The following ARHGAP28 variants were observed in gnomAD, a reference collection of about 807,000 sequenced individuals.
The protein encoded by ARHGAP28 is rho GTPase-activating protein 28.
Under a neutral mutation model 90.7 loss-of-function variants are expected in ARHGAP28, and 56 were observed. The ratio of observed to expected loss-of-function variants is 0.62; its 90% CI spans 0.50 to 0.77. The LOEUF is 0.77. Among genes scored for constraint, ARHGAP28 ranks in the 30% least tolerant of loss-of-function variants. The pLI is 0.00. For synonymous variants in ARHGAP28, 308 were observed against 323.3 expected (o/e 0.95, Z 0.51); for missense variants, 869 against 900.9 (o/e 0.96, Z 0.45).
chr18:6,779,779 G>A (rs1343105316), intron 1 of ARHGAP28, among the ~76,000 whole-genome samples: 1 of 152,194 alleles, frequency 6.6e-6, no homozygotes, highest in Non-Finnish European at 1.5e-5. Flanking sequence ...GACTCATGCA[G>A]GCCTCTGCCA....
intron 1 of ARHGAP28, among the ~76,000 whole-genome samples, chr18:6,777,260 G>A (rs1480450585): frequency 6.6e-6 from 1 of 152,166 alleles, no homozygotes; most frequent in African/African-American, 2.4e-5. Context: ...CTAATATAGA[G>A]GGAGTAGTAA....
chr18:6,841,084 T>A (rs1302561889), intron 3 of ARHGAP28, among the ~76,000 whole-genome samples: 2 of 150,774 alleles, frequency 1.3e-5, no homozygotes, highest in African/African-American at 4.9e-5. Context: ...ATTCCTCTGT[T>A]CCTCCTCCTG....
At chr18:6,736,855 T>G (rs1304199740) in intron 1 of ARHGAP28, among the ~76,000 whole-genome samples, 1 of 146,548 alleles carries the variant, frequency 6.8e-6, no homozygotes, top group Non-Finnish European at 1.5e-5. Flanking sequence ...AAACTATCTT[T>G]TATTCTTTGA....
intron 2 of ARHGAP28, among the ~76,000 whole-genome samples, chr18:6,825,693 G>T (rs944285927): frequency 6.6e-6 from 1 of 152,136 alleles, no homozygotes; most frequent in African/African-American, 2.4e-5. Flanking sequence ...GCTTACAAGT[G>T]AGAACATGCA....
At chr18:6,821,135 A>T (rs1302753212) in intron 1 of ARHGAP28, among the ~76,000 whole-genome samples, 1 of 152,192 alleles carries the variant, frequency 6.6e-6, no homozygotes, top group Non-Finnish European at 1.5e-5. Flanking sequence ...ATTCTGTAAG[A>T]TATTTACACT....
chr18:6,798,892 C>G (rs191867126), intron 1 of ARHGAP28, among the ~76,000 whole-genome samples: 84 of 152,324 alleles, frequency 5.5e-4, no homozygotes, highest in Middle Eastern at 3.4e-3. Flanking sequence ...TTAATATTTA[C>G]TCATGTGAAG....
At chr18:6,741,776 C>G (rs2055979793) in intron 1 of ARHGAP28, among the ~76,000 whole-genome samples, 1 of 152,316 alleles carries the variant, frequency 6.6e-6, no homozygotes, top group East Asian at 1.9e-4. Flanking sequence ...TTTTACTCCC[C>G]TACCCCCAAC....
intron 1 of ARHGAP28, among the ~76,000 whole-genome samples, chr18:6,799,167 T>C (rs2056463653): frequency 6.6e-6 from 1 of 152,180 alleles, no homozygotes; most frequent in Admixed American, 6.5e-5. Flanking sequence ...TTTACTTCTT[T>C]GGTGACTTGT....
intron 1 of ARHGAP28, among the ~76,000 whole-genome samples, chr18:6,732,676 A>G (rs939227823): frequency 3.3e-5 from 5 of 152,030 alleles, no homozygotes; most frequent in Non-Finnish European, 7.4e-5. Flanking sequence ...TATTTTACTT[A>G]TTTTATTTTG....
intron 16 of ARHGAP28, among the ~76,000 whole-genome samples, chr18:6,904,369 G>A (rs919537830): frequency 8.5e-5 from 13 of 152,180 alleles, no homozygotes; most frequent in Non-Finnish European, 1.5e-4. Context: ...ACTCCAGCCT[G>A]GGTGACAGAG....
At chr18:6,831,857 T>C (rs1377550853) in intron 2 of ARHGAP28, among the ~76,000 whole-genome samples, 1 of 152,102 alleles carries the variant, frequency 6.6e-6, no homozygotes, top group East Asian at 1.9e-4. Flanking sequence ...ATGATGGTAA[T>C]TGTAAACTTT....
intron 10 of ARHGAP28, 99 bp downstream of exon 10, chr18:6,876,307 A>T (rs569827364): frequency 7.9e-6 from 7 of 890,992 alleles, no homozygotes; most frequent in Non-Finnish European, 1.3e-5. Flanking sequence ...TGTTTATTAG[A>T]TATTATCACT....
Position 6,911,510 on chromosome 18 carries a change from A to G in ARHGAP28, c.2096-550A>G, listed in dbSNP as rs534030924. ...GAGTGCAATGGTGCGATCTTGGCTC[A>G]CTGCAACCTCAGCCTCCCAGGTTCA... is the stretch of plus-strand genomic sequence containing the variant. On this transcript the variant is annotated intron_variant, in intron 17 of 17. Transcript: ENST00000383472. 2.0e-5 allele frequency among the ~76,000 whole-genome samples: 3 copies of G among 152,068 alleles called. No homozygotes were observed. The South Asian group carries it at 6.2e-4, about 32-fold the overall frequency.
chr18:6,735,441 G>A (rs1165710138), intron 1 of ARHGAP28, among the ~76,000 whole-genome samples: 2 of 152,160 alleles, frequency 1.3e-5, no homozygotes, highest in Non-Finnish European at 2.9e-5. Context: ...CCTGCAATCT[G>A]ACAGACTGTC....
intron 16 of ARHGAP28, among the ~76,000 whole-genome samples, chr18:6,905,124 C>T (rs1378919087): frequency 2.6e-5 from 4 of 151,836 alleles, no homozygotes. Flanking sequence ...CAAACAAAAG[C>T]CCTACAGACC....
rs1162356898 is a variant in ARHGAP28, at chr18:6,913,990, C to T, written c.*1836C>T. On this transcript the variant is annotated 3_prime_UTR_variant, in exon 18 of 18. Transcript: ENST00000383472. Reference sequence around the variant, plus strand: ...TTTATGACCACGTATGGAAGAAATTCTTCAAATAGCTACCTTACATTTCTG... The same window carrying T: ...TTTATGACCACGTATGGAAGAAATTTTTCAAATAGCTACCTTACATTTCTG... 1 of 152,150 alleles carries T rather than the reference C, an allele frequency of 6.6e-6. No homozygotes were observed. Among genetic ancestry groups the T allele is most frequent in the Non-Finnish European group, 1.5e-5 (1 of 68,024 alleles). 9.4% of individuals were successfully genotyped at this position (152,150 alleles called of 1,614,324 possible). A position where few individuals can be genotyped will look rare whatever the true frequency, so the allele number is the denominator to read the frequency against.
At chr18:6,731,136 A>AT (rs5822921) in intron 1 of ARHGAP28, among the ~76,000 whole-genome samples, 30 of 151,940 alleles carry the variant, frequency 2.0e-4, no homozygotes, top group African/African-American at 5.3e-4. Context: ...GGAAAATCAC[A>AT]TTTTTTTTCC....
rs575554314 is a variant in ARHGAP28 at position 6,768,765 on chromosome 18, T to C, written c.122+38822T>C. On this transcript the variant is annotated intron_variant, in intron 1 of 17. Transcript: ENST00000383472. Reference sequence around the variant, plus strand: ...CTTAGCCTCCCTGAACTCTGTTCCATGTCCCCTTAACTCAGTGAGACCCCA... The same window carrying C: ...CTTAGCCTCCCTGAACTCTGTTCCACGTCCCCTTAACTCAGTGAGACCCCA... Among the ~76,000 whole-genome samples, 7 of 152,300 alleles carry C rather than the reference T, an allele frequency of 4.6e-5. No homozygotes were observed. The East Asian group carries it at 1.4e-3, about 30-fold the overall frequency.
Position 6,912,267 on chromosome 18 carries a change from T to C in ARHGAP28, c.*113T>C, listed in dbSNP as rs754137736. On this transcript the variant is annotated 3_prime_UTR_variant, in exon 18 of 18. Transcript: ENST00000383472. ...ATTTGTTCCTACAGCATTCTCAGTA[T>C]TTCTGGCCCTCAGCAGTGGGCATTG... The C allele has an allele frequency of 1.8e-6, 1 of 562,836 alleles. No individual in the cohort carries two copies. The allele number at this position is 562,836 out of a possible 1,614,324, so 34.9% of individuals were successfully genotyped here. A position where few individuals can be genotyped will look rare whatever the true frequency, so the allele number is the denominator to read the frequency against.
Sources: gnomAD v4.1 joint callset for allele counts (sites outside exome capture counted in the v4.1 genomes callset) on GRCh38, gnomAD v4.1.1 for gene constraint, MANE v1.5 for transcripts, NCBI Gene and HGNC (gene_info 2026-07-23, HGNC 2026-07-21) for gene names.